Variants in MAF observed in about 807,000 individuals in gnomAD.
The protein encoded by MAF is transcription factor Maf.
In MAF, 10 loss-of-function variants were observed where a neutral mutation model predicts 22.0. The ratio of observed to expected loss-of-function variants is 0.45; its 90% CI spans 0.28 to 0.77. The LOEUF (loss-of-function observed/expected upper bound fraction) is 0.77. Ranked by LOEUF, MAF falls within the 30% of genes least tolerant of loss-of-function variation. MAF has a pLI of 0.12. For synonymous variants in MAF, 337 were observed against 255.8 expected, an observed-to-expected ratio of 1.32 and a Z score of -3.03; for missense variants, 544 against 548.4, an observed-to-expected ratio of 0.99 and a Z score of 0.08.
chr16:79,594,768 A>G (rs1913414431), intron 1 of MAF: 8 of 1,350,042 alleles, frequency 5.9e-6, no homozygotes, highest in African/African-American at 2.9e-5. Context: ...GTTTTCAGTA[A>G]TTGTTATTTC....
chr16:79,332,325 G>C, the MAF span, among the ~76,000 whole-genome samples: 9 of 151,990 alleles, frequency 5.9e-5, no homozygotes, highest in African/African-American at 2.2e-4. Context: ...TCTTGAGATG[G>C]AGTCTTGCTC....
intron 1 of MAF, among the ~76,000 whole-genome samples, chr16:79,586,400 C>G (rs552639364): frequency 6.6e-6 from 1 of 152,332 alleles, no homozygotes; most frequent in East Asian, 1.9e-4. Flanking sequence ...GGTTCCTTCT[C>G]TTCCATCTGC....
the MAF span, among the ~76,000 whole-genome samples, chr16:79,236,580 A>G: frequency 6.6e-6 from 1 of 152,054 alleles, no homozygotes; most frequent in Non-Finnish European, 1.5e-5. Context: ...TATGCACAGT[A>G]TTAAGACACA....
At chr16:79,408,364 C>T in the MAF span, among the ~76,000 whole-genome samples, 17 of 152,036 alleles carry the variant, frequency 1.1e-4, no homozygotes, top group Non-Finnish European at 1.8e-4. Context: ...TTAGTAGAGA[C>T]GGGGTTTCGC....
At chr16:79,219,499 G>A in the MAF span, among the ~76,000 whole-genome samples, 3 of 146,560 alleles carry the variant, frequency 2.0e-5, no homozygotes, top group East Asian at 2.0e-4. Context: ...TAAAGTGAGC[G>A]GACATCGCGC....
At position 79,599,982 on chromosome 16, in the gene MAF, G is replaced by A. The variant is rs913235047; in HGVS notation, c.-80C>T. 8.2e-6 allele frequency: 13 copies of A among 1,582,522 alleles called. No homozygotes were observed. The highest frequency in any genetic ancestry group is 1.1e-5 in the South Asian group (1 of 90,422). Reference sequence around the variant, plus strand: ...AGGGGCCAGCGGGCTGTGCTGGGTGGCCAGCGGGTGAGCCAGCTTGCCGGG... The same window carrying A: ...AGGGGCCAGCGGGCTGTGCTGGGTGACCAGCGGGTGAGCCAGCTTGCCGGG... On this transcript the variant is annotated 5_prime_UTR_variant, in exon 1 of 2. Coordinates refer to ENST00000326043, the MANE Select transcript of MAF (RefSeq NM_005360.5).
At chr16:79,469,128 G>A in the MAF span, among the ~76,000 whole-genome samples, 3 of 152,104 alleles carry the variant, frequency 2.0e-5, no homozygotes, top group East Asian at 5.8e-4. Context: ...GCAAACTGGA[G>A]CCCTGCAAGC....
the MAF span, among the ~76,000 whole-genome samples, chr16:79,575,830 G>A: frequency 6.6e-6 from 1 of 152,104 alleles, no homozygotes; most frequent in African/African-American, 2.4e-5. Flanking sequence ...AAGAATCCCT[G>A]GCCAAGACCC....
the MAF span, among the ~76,000 whole-genome samples, chr16:79,386,778 T>C: frequency 1.3e-5 from 2 of 151,934 alleles, no homozygotes; most frequent in African/African-American, 4.8e-5. Context: ...TGAGATCCAA[T>C]GGACAAGCCA....
At chr16:79,571,955 T>C in the MAF span, among the ~76,000 whole-genome samples, 1 of 152,214 alleles carries the variant, frequency 6.6e-6, no homozygotes. Context: ...TGCCCCTGCC[T>C]GACTCACTCT....
chr16:79,518,238 A>T, the MAF span, among the ~76,000 whole-genome samples: 2 of 152,202 alleles, frequency 1.3e-5, no homozygotes, highest in Non-Finnish European at 2.9e-5. Flanking sequence ...CACCCAAGGA[A>T]CATGAACCTA....
At chr16:79,453,350 T>C in the MAF span, among the ~76,000 whole-genome samples, 1 of 152,184 alleles carries the variant, frequency 6.6e-6, no homozygotes. Flanking sequence ...CAACCTAAGA[T>C]GGCATCCGGT....
chr16:79,371,803 G>A, the MAF span, among the ~76,000 whole-genome samples: 4 of 152,210 alleles, frequency 2.6e-5, no homozygotes, highest in Admixed American at 6.5e-5. Context: ...CAACAGCTTC[G>A]CTTTAGAGAT....
At chr16:79,425,204 A>G in the MAF span, among the ~76,000 whole-genome samples, 3 of 152,124 alleles carry the variant, frequency 2.0e-5, no homozygotes, top group Non-Finnish European at 4.4e-5. Flanking sequence ...ATCTCTTCTC[A>G]TGGTACATTC....
the MAF span, among the ~76,000 whole-genome samples, chr16:79,440,377 G>C: frequency 6.6e-6 from 1 of 152,188 alleles, no homozygotes; most frequent in African/African-American, 2.4e-5. Flanking sequence ...AGGAAGTCCC[G>C]ACCAGGTGCA....
chr16:79,272,815 C>G, the MAF span, among the ~76,000 whole-genome samples: 1 of 152,162 alleles, frequency 6.6e-6, no homozygotes, highest in Non-Finnish European at 1.5e-5. Flanking sequence ...TCCCTGCTGT[C>G]CTCCACGTTG....
downstream of MAF, among the ~76,000 whole-genome samples, chr16:79,592,358 A>G (rs1437177196): frequency 6.6e-6 from 1 of 152,192 alleles, no homozygotes; most frequent in African/African-American, 2.4e-5. Context: ...AAAAAATGCT[A>G]GACAGAGCTG....
the MAF span, among the ~76,000 whole-genome samples, chr16:79,377,682 T>C: frequency 6.6e-6 from 1 of 152,252 alleles, no homozygotes; most frequent in Non-Finnish European, 1.5e-5. Context: ...AAGTCTTTAA[T>C]CCATCTTGAA....
At chr16:79,360,233 C>A in the MAF span, among the ~76,000 whole-genome samples, 1 of 152,126 alleles carries the variant, frequency 6.6e-6, no homozygotes, top group African/African-American at 2.4e-5. Context: ...TCTTTTTGAA[C>A]CCCTTCCCCT....
Sources: gnomAD v4.1 joint callset for allele counts (sites outside exome capture counted in the v4.1 genomes callset) on GRCh38, gnomAD v4.1.1 for gene constraint, MANE v1.5 for transcripts, NCBI Gene and HGNC (gene_info 2026-07-23, HGNC 2026-07-21) for gene names.